Variants in PCCB observed in about 807,000 individuals in gnomAD.
PCCB encodes propionyl-CoA carboxylase beta chain, mitochondrial.
A neutral mutation model predicts 60.7 loss-of-function variants in PCCB; 43 were observed. The ratio of observed to expected loss-of-function variants is 0.71; its 90% confidence interval spans 0.55 to 0.91. PCCB has a LOEUF of 0.91. PCCB is among the 40% of genes least tolerant of loss of function. PCCB has a pLI of 0.00. For synonymous variants in PCCB, 276 were observed against 255.9 expected (o/e 1.08, Z -0.75); for missense variants, 766 against 702.8 (o/e 1.09, Z -1.02).
chr3:136,293,896 T>G (rs762786066), intron 7 of PCCB, 32 bp downstream of exon 7: 2 of 1,283,512 alleles, frequency 1.6e-6, no homozygotes, highest in East Asian at 2.3e-5. Context: ...CTTGTTGTTT[T>G]CAAACATTGA....
chr3:136,278,442 A>G (rs1942389213), intron 5 of PCCB, among the ~76,000 whole-genome samples: 1 of 152,116 alleles, frequency 6.6e-6, no homozygotes, highest in South Asian at 2.1e-4. Flanking sequence ...CTGTTCTTCT[A>G]AGTGGGAGAG....
rs141189641 is a variant in PCCB at position 136,303,487 on chromosome 3, T to A, written c.966+2376T>A. 1.3e-4 allele frequency among the ~76,000 whole-genome samples: 16 copies of A among 123,004 alleles called. 5 individuals carry two copies. Among genetic ancestry groups the A allele is most frequent in the Admixed American group, 3.9e-4 (4 of 10,344 alleles). 80.7% of individuals were successfully genotyped at this position (123,004 alleles called of 152,430 possible). ...CATTCCTGAAGTTGTATATTCTGTT[T>A]GCTAATGTTTTGAGTTTCTGCATTG... On this transcript the variant is annotated intron_variant, in intron 9 of 14. Transcript: ENST00000251654.
chr3:136,283,785 A>G, intron 5 of PCCB, 52 bp from the exon 6 acceptor site: 1 of 1,227,118 alleles, frequency 8.1e-7, no homozygotes. Flanking sequence ...TTCCACAGAT[A>G]ATGCCTCAAA....
intron 7 of PCCB, among the ~76,000 whole-genome samples, chr3:136,296,841 A>T (rs1398747272): frequency 6.6e-6 from 1 of 151,396 alleles, no homozygotes; most frequent in Admixed American, 6.5e-5. Flanking sequence ...AAAAGAAACA[A>T]AACAAAACAA....
chr3:136,266,490 C>T (rs562831573), intron 5 of PCCB, among the ~76,000 whole-genome samples: 2 of 152,040 alleles, frequency 1.3e-5, no homozygotes, highest in Non-Finnish European at 2.9e-5. Flanking sequence ...GGCATGATCA[C>T]AGCTCACTGC....
chr3:136,297,225 G>A (rs1285083664), intron 7 of PCCB, among the ~76,000 whole-genome samples: 1 of 152,158 alleles, frequency 6.6e-6, no homozygotes, highest in Non-Finnish European at 1.5e-5. Context: ...CCCGATCAGT[G>A]AACAAGGAGG....
rs1934463242 is a variant in PCCB, at chr3:136,306,762, AGAAT to A, written c.966+5655_966+5658del. On this transcript the variant is annotated intron_variant, in intron 9 of 14. Transcript: ENST00000251654. ...AAGTGACTACAATGAAAGGCAAAGA[AGAAT>A]GAACATACATATAATTGGAGTGTCT... Among the ~76,000 whole-genome samples, 2 of 122,738 alleles carry A rather than the reference AGAAT, an allele frequency of 1.6e-5. 1 individual carries two copies. Among genetic ancestry groups the A allele is most frequent in the Non-Finnish European group, 3.6e-5 (2 of 55,016 alleles). The allele number at this position is 122,738 out of a possible 152,430, so 80.5% of individuals were successfully genotyped here.
In PCCB at chr3:136,261,939, T is replaced by A; in HGVS notation, c.430-13T>A. ...AACATTTGTCTCAATAAAAGATTTC[T>A]CTGCTGTCTCAGATCATGGACCAGG... is the stretch of plus-strand genomic sequence containing the variant. On this transcript the variant is annotated splice_polypyrimidine_tract_variant and intron_variant, in intron 4 of 14. Transcript: ENST00000251654. 6.7e-7 allele frequency: 1 copy of A among 1,489,666 alleles called. No individual in the cohort carries two copies. The highest frequency in any genetic ancestry group is 9.2e-7 in the Non-Finnish European group (1 of 1,089,468). 92.3% of individuals were successfully genotyped at this position (1,489,666 alleles called of 1,614,324 possible).
intron 12 of PCCB, 41 bp downstream of exon 12, chr3:136,327,296 C>G (rs1443385615): frequency 6.8e-7 from 1 of 1,477,026 alleles, no homozygotes; most frequent in South Asian, 1.1e-5. Flanking sequence ...TGCTCACTTT[C>G]CTACAGCATA....
At chr3:136,275,353 T>C (rs1244033730) in intron 5 of PCCB, among the ~76,000 whole-genome samples, 1 of 152,104 alleles carries the variant, frequency 6.6e-6, no homozygotes, top group Admixed American at 6.5e-5. Context: ...GTTTTTTTTT[T>C]ATGTTGGTTT....
chr3:136,270,928 A>G (rs1218119820), intron 5 of PCCB, among the ~76,000 whole-genome samples: 6 of 152,036 alleles, frequency 3.9e-5, no homozygotes, highest in African/African-American at 9.7e-5. Flanking sequence ...GGCCATTTGT[A>G]TATCTTCTTT....
chr3:136,253,368 C>T (rs970972088), intron 1 of PCCB, among the ~76,000 whole-genome samples: 7 of 151,174 alleles, frequency 4.6e-5, no homozygotes, highest in Non-Finnish European at 8.8e-5. Flanking sequence ...GGATTACAGG[C>T]GTGAGCCACT....
intron 9 of PCCB, among the ~76,000 whole-genome samples, chr3:136,312,415 C>A (rs188873394): frequency 6.6e-6 from 1 of 152,244 alleles, no homozygotes; most frequent in Admixed American, 6.5e-5. Flanking sequence ...TACAATAGGA[C>A]CACCTTCCTA....
chr3:136,327,387 ATGT>A (rs774976503), intron 12 of PCCB, 132 bp downstream of exon 12: 6 of 779,298 alleles, frequency 7.7e-6, no homozygotes, highest in South Asian at 2.9e-5. Context: ...TCTCTTGAGG[ATGT>A]TGTTCCCAGC....
chr3:136,268,931 T>G (rs1360925262), intron 5 of PCCB, among the ~76,000 whole-genome samples: 2 of 152,230 alleles, frequency 1.3e-5, no homozygotes, highest in African/African-American at 2.4e-5. Context: ...CTCAGCAATA[T>G]TTTGTAATTT....
At chr3:136,282,812 T>C (rs1336050761) in intron 5 of PCCB, among the ~76,000 whole-genome samples, 1 of 152,234 alleles carries the variant, frequency 6.6e-6, no homozygotes, top group Non-Finnish European at 1.5e-5. Context: ...TGAGCTGGTA[T>C]GGGCAATGGT....
chr3:136,328,689 A>G, intron 13 of PCCB, 69 bp from the exon 14 acceptor site: 1 of 1,246,652 alleles, frequency 8.0e-7, no homozygotes, highest in Admixed American at 1.7e-5. Context: ...ACACACAGTG[A>G]TAATGAGTTG....
intron 1 of PCCB, among the ~76,000 whole-genome samples, chr3:136,252,835 G>A (rs1941554133): frequency 6.6e-6 from 1 of 150,904 alleles, no homozygotes. Flanking sequence ...CTGTATATAT[G>A]TTGCCAAATT....
chr3:136,257,582 C>T (rs1487680951), intron 3 of PCCB, among the ~76,000 whole-genome samples: 1 of 152,078 alleles, frequency 6.6e-6, no homozygotes, highest in Admixed American at 6.6e-5. Flanking sequence ...TTTTTTCTCT[C>T]CAGAGGTGGA....
Sources: gnomAD v4.1 joint callset for allele counts (sites outside exome capture counted in the v4.1 genomes callset) on GRCh38, gnomAD v4.1.1 for gene constraint, MANE v1.5 for transcripts, NCBI Gene and HGNC (gene_info 2026-07-23, HGNC 2026-07-21) for gene names.